TMEM132B: variants seen among roughly 807,000 people sequenced by gnomAD.
The protein encoded by TMEM132B is transmembrane protein 132B.
A neutral mutation model predicts 90.8 loss-of-function variants in TMEM132B; 18 were observed. That is an observed-to-expected ratio of 0.20 (90% CI 0.14 to 0.29). The LOEUF is 0.29. Among genes scored for constraint, TMEM132B ranks in the 10% least tolerant of loss-of-function variants. TMEM132B has a pLI of 1.00. For synonymous variants in TMEM132B, 504 were observed against 523.3 expected (o/e 0.96, Z 0.50); for missense variants, 1,096 against 1,326.8 (o/e 0.83, Z 2.70).
chr12:125,497,274 A>T (rs1375519256), intron 3 of TMEM132B, among the ~76,000 whole-genome samples: 1 of 152,220 alleles, frequency 6.6e-6, no homozygotes, highest in Non-Finnish European at 1.5e-5. Flanking sequence ...TTGGAGAGTG[A>T]TGCTCTCAAT....
chr12:125,205,869 G>T (rs909563766), intron 1 of TMEM132B, among the ~76,000 whole-genome samples: 3 of 152,260 alleles, frequency 2.0e-5, no homozygotes, highest in African/African-American at 7.2e-5. Context: ...GAACGTCAAA[G>T]GATTTGTAGA....
At chr12:125,304,935 G>A (rs1289312750) in intron 1 of TMEM132B, among the ~76,000 whole-genome samples, 1 of 152,178 alleles carries the variant, frequency 6.6e-6, no homozygotes, top group Non-Finnish European at 1.5e-5. Flanking sequence ...GCTTTTTCCT[G>A]AGTGTTGGGA....
chr12:125,654,249 T>C lies in TMEM132B; in HGVS notation c.2791T>C (p.Tyr931His). ...LINCVAFAWK[Y>H]RHKRFAVSEQ... ...CAACTGCGTGGCGTTTGCCTGGAAA[T>C]ACAGACACAAAAGGTTTGCTGTGAG... is the stretch of plus-strand genomic sequence containing the variant. Residue 931 changes from tyrosine (Y) to histidine (H), a missense_variant, in exon 9 of 9, where the codon TAC becomes CAC. Tyr to His is a moderately conservative substitution (Grantham distance 83, BLOSUM62 2). Transcript: ENST00000682704. This position sits in a 1 kb window ranked among gnomAD's most constrained non-coding sequence, Gnocchi z 5.8. 6.2e-7 allele frequency: 1 copy of C among 1,614,134 alleles called. No individual in the cohort carries two copies. Among genetic ancestry groups the C allele is most frequent in the Non-Finnish European group, 8.5e-7 (1 of 1,180,042 alleles).
chr12:125,266,242 T>C (rs1874692638), intron 1 of TMEM132B, among the ~76,000 whole-genome samples: 1 of 151,850 alleles, frequency 6.6e-6, no homozygotes, highest in Non-Finnish European at 1.5e-5. Context: ...AAACCCAAAA[T>C]TAAAAAATTA....
intron 1 of TMEM132B, among the ~76,000 whole-genome samples, chr12:125,348,674 C>T (rs933642267): frequency 1.3e-5 from 2 of 152,062 alleles, no homozygotes; most frequent in Admixed American, 1.3e-4. Context: ...TTGCGGCAAC[C>T]CAGTAAGGTA....
At chr12:125,620,726 G>A (rs762846868) in intron 5 of TMEM132B, among the ~76,000 whole-genome samples, 1 of 152,214 alleles carries the variant, frequency 6.6e-6, no homozygotes, top group Non-Finnish European at 1.5e-5. Context: ...GGTGGAAGGG[G>A]AAGCAAACAA....
chr12:125,383,422 T>A (rs2136289339), intron 2 of TMEM132B, among the ~76,000 whole-genome samples: 1 of 152,362 alleles, frequency 6.6e-6, no homozygotes, highest in East Asian at 1.9e-4. Context: ...ATCAATCTGT[T>A]GATTTTCTAG....
intron 1 of TMEM132B, among the ~76,000 whole-genome samples, chr12:125,286,550 TATA>T (rs1875362103): frequency 6.6e-6 from 1 of 152,222 alleles, no homozygotes; most frequent in African/African-American, 2.4e-5. Context: ...TTTATATCAC[TATA>T]ATAAGTTACC....
intron 6 of TMEM132B, 151 bp from the exon 7 acceptor site, chr12:125,650,532 G>A: frequency 2.4e-6 from 2 of 848,428 alleles, no homozygotes; most frequent in South Asian, 3.6e-5. Context: ...ATGAGTGAAT[G>A]AACTGGGAGT....
intron 5 of TMEM132B, among the ~76,000 whole-genome samples, chr12:125,604,358 A>G (rs1421663554): frequency 6.6e-6 from 1 of 151,434 alleles, no homozygotes; most frequent in Non-Finnish European, 1.5e-5. Flanking sequence ...AGAAAACCAA[A>G]CACCACATGT....
chr12:125,231,418 GT>G (rs1452491309), intron 1 of TMEM132B, among the ~76,000 whole-genome samples: 1 of 152,124 alleles, frequency 6.6e-6, no homozygotes, highest in African/African-American at 2.4e-5. Flanking sequence ...ACCTTCTGTG[GT>G]CCAAGAAATG....
intron 1 of TMEM132B, among the ~76,000 whole-genome samples, chr12:125,347,577 C>T (rs2133687): frequency 0.018 from 2,796 of 152,244 alleles, 90 homozygotes; most frequent in African/African-American, 0.064. Context: ...CAGAAAAATA[C>T]GCCACCAGGA....
At chr12:125,502,568 A>G (rs1472602688) in intron 3 of TMEM132B, among the ~76,000 whole-genome samples, 1 of 152,218 alleles carries the variant, frequency 6.6e-6, no homozygotes, top group African/African-American at 2.4e-5. Flanking sequence ...TCCCAAGTGG[A>G]GCAGATGTGC....
At position 125,359,694 on chromosome 12, in the gene TMEM132B, A is replaced by C. The variant is rs564813290; in HGVS notation, c.959+9351A>C. ...ACTTGTAAGAAAAATAACAAATGTA[A>C]AAAGCCATGTTTGGTCATTTCTACT... On this transcript the variant is annotated intron_variant, in intron 2 of 8. Transcript: ENST00000682704. Among the ~76,000 whole-genome samples the C allele has an allele frequency of 2.6e-5, 4 of 152,364 alleles. No homozygotes were observed. The East Asian group carries it at 7.7e-4, about 29-fold the overall frequency.
rs546510982 is a variant in TMEM132B at position 125,291,056 on chromosome 12, A to C, written c.68-58396A>C. Among the ~76,000 whole-genome samples the C allele has an allele frequency of 5.9e-5, 9 of 152,260 alleles. No individual in the cohort carries two copies. In the East Asian group the frequency reaches 7.7e-4, roughly 13 times the overall value. On this transcript the variant is annotated intron_variant, in intron 1 of 8. Transcript: ENST00000682704. Reference sequence around the variant, plus strand: ...TTCATACGTTGAAATGCTAATCCCCAATGCGGTGGCACTGGAAAGTGGGGA... The same window carrying C: ...TTCATACGTTGAAATGCTAATCCCCCATGCGGTGGCACTGGAAAGTGGGGA...
intron 1 of TMEM132B, among the ~76,000 whole-genome samples, chr12:125,257,280 C>T (rs531300414): frequency 4.8e-4 from 73 of 152,028 alleles, no homozygotes; most frequent in African/African-American, 7.2e-4. Flanking sequence ...CACTTCAGGC[C>T]GGGCAACAGA....
chr12:125,255,308 C>T (rs942243467), intron 1 of TMEM132B, among the ~76,000 whole-genome samples: 2 of 151,922 alleles, frequency 1.3e-5, no homozygotes, highest in East Asian at 3.9e-4. Flanking sequence ...TCTCACCCCC[C>T]CTCCTCTCTT....
intron 1 of TMEM132B, among the ~76,000 whole-genome samples, chr12:125,282,319 T>A (rs1421025650): frequency 1.3e-5 from 2 of 152,124 alleles, no homozygotes; most frequent in East Asian, 3.9e-4. Flanking sequence ...TTCCCCGGCC[T>A]GGGACACTCT....
At chr12:125,611,581 A>G (rs1050856288) in intron 5 of TMEM132B, among the ~76,000 whole-genome samples, 3 of 152,074 alleles carry the variant, frequency 2.0e-5, no homozygotes, top group Non-Finnish European at 2.9e-5. Flanking sequence ...TATTAGCTAC[A>G]TCCCATAATT....
Sources: gnomAD v4.1 joint callset for allele counts (sites outside exome capture counted in the v4.1 genomes callset) on GRCh38, gnomAD v4.1.1 for gene constraint, Gnocchi (gnomAD v3.1) non-coding constraint, MANE v1.5 for transcripts, NCBI Gene and HGNC (gene_info 2026-07-23, HGNC 2026-07-21) for gene names.